TLR2: variants seen among roughly 807,000 people sequenced by gnomAD.
TLR2 encodes toll-like receptor 2.
In TLR2, 7 loss-of-function variants were observed where a neutral mutation model predicts 9.1. The observed-to-expected ratio is 0.77, with a 90% CI of 0.44 to 1.44. The LOEUF (loss-of-function observed/expected upper bound fraction) is 1.44, where lower values mean the gene tolerates loss of function less well. TLR2 is among the 40% of genes most tolerant of loss of function. The pLI is 0.01. For synonymous variants in TLR2, 317 were observed against 344.6 expected (o/e 0.92, Z 0.89); for missense variants, 812 against 904.6 (o/e 0.90, Z 1.31).
chr4:153,687,673 C>T (rs1735807815), intron 1 of TLR2, among the ~76,000 whole-genome samples: 1 of 152,076 alleles, frequency 6.6e-6, no homozygotes, highest in South Asian at 2.1e-4. Context: ...AGGCAGCCAA[C>T]TGATCAGACT....
Position 153,705,031 on chromosome 4 carries a change from G to T in TLR2, c.2124G>T (p.Val708=), listed in dbSNP as rs1239604698. 6.2e-7 allele frequency: 1 copy of T among 1,614,074 alleles called. No individual in the cohort carries two copies. Among genetic ancestry groups the T allele is most frequent in the Non-Finnish European group, 8.5e-7 (1 of 1,180,028 alleles). Residue 708 remains valine (V), a synonymous_variant, in exon 3 of 3, where the codon GTG becomes GTT. Coordinates refer to ENST00000642700, the MANE Select transcript of TLR2 (RefSeq NM_001318789.2). ...TCTTTGTGCTTTCTGAAAACTTTGT[G>T]AAGAGTGAGTGGTGCAAGTATGAAC... The part of the protein sequence containing the change: ...KTVFVLSENF[V]KSEWCKYELD...
At chr4:153,698,754 G>GT (rs1736680691) in intron 2 of TLR2, among the ~76,000 whole-genome samples, 1 of 152,096 alleles carries the variant, frequency 6.6e-6, no homozygotes, top group African/African-American at 2.4e-5. Flanking sequence ...TGCCTCATTG[G>GT]GAATCTGCAG....
At position 153,704,111 on chromosome 4, in the gene TLR2, T is replaced by G. The variant is rs1737138717; in HGVS notation, c.1204T>G (p.Leu402Val). The change falls in exon 3 of 3, where the codon TTG becomes GTG. Residue 402 changes from leucine (L) to valine (V), a missense_variant. Transcript: ENST00000642700. ...LILRQNHLAS[L>V]EKTGETLLTL... ...TTTAAGGCAAAATCATTTGGCATCA[T>G]TGGAAAAAACCGGAGAGACTTTGCT... The G allele has an allele frequency of 1.9e-6, 3 of 1,613,814 alleles. No homozygotes were observed. The highest frequency in any genetic ancestry group is 1.7e-6 in the Non-Finnish European group (2 of 1,179,970).
At chr4:153,694,610 A>T (rs973114137) in intron 2 of TLR2, among the ~76,000 whole-genome samples, 1 of 152,242 alleles carries the variant, frequency 6.6e-6, no homozygotes, top group Non-Finnish European at 1.5e-5. Context: ...ACAGGCATAC[A>T]ATGGATAATA....
Position 153,702,919 on chromosome 4 carries a change from T to C in TLR2, c.12T>C (p.Thr4=). The C allele has an allele frequency of 6.2e-7, 1 of 1,610,232 alleles. No individual in the cohort carries two copies. The highest frequency in any genetic ancestry group is 8.5e-7 in the Non-Finnish European group (1 of 1,177,788). ...TGAAGCACTGGACAATGCCACATAC[T>C]TTGTGGATGGTGTGGGTCTTGGGGG... MPH[T]LWMVWVLGVI... The change falls in exon 3 of 3, where the codon ACT becomes ACC. Residue 4 remains threonine (T), a synonymous_variant. Transcript: ENST00000642700.
chr4:153,690,523 C>T (rs1283475194), intron 2 of TLR2, among the ~76,000 whole-genome samples: 1 of 152,216 alleles, frequency 6.6e-6, no homozygotes, highest in Non-Finnish European at 1.5e-5. Context: ...TCCTGATTGG[C>T]ATGTAGCCCA....
chr4:153,689,845 C>A (rs1192971535), intron 2 of TLR2, among the ~76,000 whole-genome samples: 1 of 152,176 alleles, frequency 6.6e-6, no homozygotes, highest in Admixed American at 6.5e-5. Context: ...TTTTCTTCCA[C>A]CCTCTATGGC....
intron 2 of TLR2, among the ~76,000 whole-genome samples, chr4:153,697,911 T>C (rs1353475659): frequency 6.6e-6 from 1 of 152,172 alleles, no homozygotes; most frequent in Non-Finnish European, 1.5e-5. Context: ...AAATATTATG[T>C]GTTGCAGAAG....
Position 153,704,613 on chromosome 4 carries a change from A to T in TLR2, c.1706A>T (p.His569Leu). ...AATTACCTGTGTGACTCTCCATCCC[A>T]TGTGCGTGGCCAGCAGGTTCAGGAT... ...PANYLCDSPSHVRGQQVQDVR... is the reference protein window; with the variant it reads ...PANYLCDSPSLVRGQQVQDVR... The change falls in exon 3 of 3, where the codon CAT (histidine) becomes CTT (leucine). Residue 569 changes from histidine (H) to leucine (L), a missense_variant. His to Leu is a moderately conservative substitution (Grantham distance 99). Transcript: ENST00000642700. 6.2e-7 allele frequency: 1 copy of T among 1,611,082 alleles called. No individual in the cohort carries two copies. Among genetic ancestry groups the T allele is most frequent in the Non-Finnish European group, 8.5e-7 (1 of 1,179,528 alleles).
chr4:153,692,637 A>G (rs1736199539), intron 2 of TLR2, among the ~76,000 whole-genome samples: 1 of 152,158 alleles, frequency 6.6e-6, no homozygotes, highest in Non-Finnish European at 1.5e-5. Flanking sequence ...ACCCCATTTC[A>G]TGCATCATAT....
intron 2 of TLR2, among the ~76,000 whole-genome samples, chr4:153,693,646 C>T (rs1167363839): frequency 6.6e-6 from 1 of 152,198 alleles, no homozygotes; most frequent in East Asian, 1.9e-4. Flanking sequence ...GCCACTTTAG[C>T]TTTAGCTGGC....
chr4:153,685,528 AAAAC>A (rs1325253012), intron 1 of TLR2, among the ~76,000 whole-genome samples: 5 of 152,194 alleles, frequency 3.3e-5, no homozygotes, highest in African/African-American at 7.2e-5. Flanking sequence ...AACACAAAAC[AAAAC>A]AAACAAACAA....
chr4:153,704,355 A>G lies in TLR2; in HGVS notation c.1448A>G (p.Tyr483Cys), dbSNP rs746575711. 40 of 1,613,748 alleles carry G rather than the reference A, an allele frequency of 2.5e-5. No individual in the cohort carries two copies. Among genetic ancestry groups the G allele is most frequent in the Non-Finnish European group, 3.1e-5 (36 of 1,179,988 alleles). ...SLNLPQLKEL[Y>C]ISRNKLMTLP... is the part of the protein sequence containing the mutation. ...AATTTGCCGCAACTCAAAGAACTTT[A>G]TATTTCCAGAAATAAGTTGATGACT... Residue 483 changes from tyrosine (Y) to cysteine (C), a missense_variant, in exon 3 of 3, where the codon TAT becomes TGT. Physicochemically the swap from Tyr to Cys is radical, Grantham distance 194. Transcript: ENST00000642700.
Position 153,703,619 on chromosome 4 carries a change from C to A in TLR2, c.712C>A (p.His238Asn). ...GCGAGATACTGATTTGGACACTTTCCATTTTTCAGAACTATCCACTGGTGA... is the reference window on the plus strand; with the variant it reads ...GCGAGATACTGATTTGGACACTTTCAATTTTTCAGAACTATCCACTGGTGA... Reference protein sequence around the residue: ...ELRDTDLDTFHFSELSTGETN... With the variant: ...ELRDTDLDTFNFSELSTGETN... The change falls in exon 3 of 3, where the codon CAT becomes AAT. Residue 238 changes from histidine (H) to asparagine (N), a missense_variant. Transcript: ENST00000642700. 6.2e-7 allele frequency: 1 copy of A among 1,613,934 alleles called. No homozygotes were observed. Among genetic ancestry groups the A allele is most frequent in the Non-Finnish European group, 8.5e-7 (1 of 1,179,966 alleles).
intron 2 of TLR2, among the ~76,000 whole-genome samples, chr4:153,700,074 G>C (rs141400957): frequency 6.6e-6 from 1 of 152,094 alleles, no homozygotes; most frequent in Non-Finnish European, 1.5e-5. Context: ...TAGTGAGAGA[G>C]GGAGTGAGAG....
chr4:153,695,478 G>C (rs1017555642), intron 2 of TLR2, among the ~76,000 whole-genome samples: 1 of 152,100 alleles, frequency 6.6e-6, no homozygotes, highest in Non-Finnish European at 1.5e-5. Context: ...GCCTTCTTTT[G>C]AGAAATGTCT....
chr4:153,698,785 A>T (rs1259764975), intron 2 of TLR2, among the ~76,000 whole-genome samples: 3 of 152,212 alleles, frequency 2.0e-5, no homozygotes, highest in Non-Finnish European at 2.9e-5. Context: ...TAAATGCTGG[A>T]TATGTCATGT....
Position 153,704,569 on chromosome 4 carries a change from C to T in TLR2, c.1662C>T (p.Val554=). The change falls in exon 3 of 3, where the codon GTC becomes GTT. Residue 554 remains valine (V), a synonymous_variant. Transcript: ENST00000642700. ...AGGAGCAGCAAGCACTGGCCAAAGT[C>T]TTGATTGATTGGCCAGCAAATTACC... is the stretch of plus-strand genomic sequence containing the variant. The part of the protein sequence containing the change: ...FTQEQQALAK[V]LIDWPANYLC... 1 of 1,613,862 alleles carries T rather than the reference C, an allele frequency of 6.2e-7. No homozygotes were observed. The highest frequency in any genetic ancestry group is 1.1e-5 in the South Asian group (1 of 91,064).
intron 2 of TLR2, among the ~76,000 whole-genome samples, chr4:153,689,248 C>T (rs941780701): frequency 6.6e-6 from 1 of 152,154 alleles, no homozygotes; most frequent in Admixed American, 6.5e-5. Flanking sequence ...TTAATAGTTT[C>T]CACAAATCCT....
Sources: allele counts gnomAD v4.1 joint callset (sites outside exome capture counted in the v4.1 genomes callset), GRCh38; gene constraint gnomAD v4.1.1; transcripts MANE v1.5; gene names NCBI Gene and HGNC (gene_info 2026-07-23, HGNC 2026-07-21).